PCDHA2: variants seen among roughly 807,000 people sequenced by gnomAD.
PCDHA2 encodes protocadherin alpha-2.
Under a neutral mutation model 66.0 loss-of-function variants are expected in PCDHA2, and 58 were observed. That is an observed-to-expected ratio of 0.88 (90% CI 0.71 to 1.09). The LOEUF is 1.09. Among genes scored for constraint, PCDHA2 ranks in the 50% least tolerant of loss-of-function variants. The pLI is 0.00. For missense variants in PCDHA2, 1,267 were observed against 1,242.3 expected (o/e 1.02, Z -0.30); for synonymous variants, 634 against 554.0 (o/e 1.14, Z -2.03).
chr5:141,003,715 G>A (rs561348265), intron 3 of PCDHA2, among the ~76,000 whole-genome samples: 21 of 152,240 alleles, frequency 1.4e-4, no homozygotes, highest in African/African-American at 2.2e-4. Flanking sequence ...TGAAGATATC[G>A]GCTAATCCAA....
chr5:140,923,774 G>T (rs1447078559), intron 1 of PCDHA2, among the ~76,000 whole-genome samples: 1 of 152,202 alleles, frequency 6.6e-6, no homozygotes, highest in Non-Finnish European at 1.5e-5. Flanking sequence ...CTACTGGGTG[G>T]ATGGTTTCTT....
At chr5:140,938,631 T>C (rs1554212262) in intron 1 of PCDHA2, among the ~76,000 whole-genome samples, 1 of 152,208 alleles carries the variant, frequency 6.6e-6, no homozygotes. Context: ...AGGTTGCTTA[T>C]GATGTATAAT....
intron 1 of PCDHA2, among the ~76,000 whole-genome samples, chr5:140,827,665 TA>T (rs1400072267): frequency 9.8e-5 from 15 of 152,360 alleles, no homozygotes; most frequent in African/African-American, 3.4e-4. Context: ...GCAGTTCCGT[TA>T]ACACTTAAAT....
rs1259591783 is a variant in PCDHA2, at chr5:141,009,842, G to C, written c.2752G>C (p.Glu918Gln). 1.2e-6 allele frequency: 2 copies of C among 1,613,960 alleles called. No individual in the cohort carries two copies. The highest frequency in any genetic ancestry group is 1.7e-6 in the Non-Finnish European group (2 of 1,180,014). ...TGACTTCATAACCTTCGGCAAAAAG[G>C]AGGAGACCAAGAAAAAGAAGAAAAA... ...KSDFITFGKKEETKKKKKKKK... is the reference protein window; with the variant it reads ...KSDFITFGKKQETKKKKKKKK... The change falls in exon 4 of 4, where the codon GAG becomes CAG. Residue 918 changes from glutamate (E) to glutamine (Q), a missense_variant. Coordinates refer to ENST00000526136, the MANE Select transcript of PCDHA2 (RefSeq NM_018905.3).
At chr5:140,884,230 CG>C in intron 1 of PCDHA2, 2 of 1,613,384 alleles carry the variant, frequency 1.2e-6, no homozygotes, top group Non-Finnish European at 1.7e-6. Flanking sequence ...TGAAGGACCA[CG>C]GTGAGCCCGC....
At chr5:140,850,403 C>T (rs1554144277) in intron 1 of PCDHA2, 5 of 1,597,838 alleles carry the variant, frequency 3.1e-6, no homozygotes, top group African/African-American at 2.7e-5. Flanking sequence ...CAACGCGTGC[C>T]CTGGACGAAA....
At chr5:140,962,625 A>C (rs2095697493) in intron 1 of PCDHA2, among the ~76,000 whole-genome samples, 1 of 152,228 alleles carries the variant, frequency 6.6e-6, no homozygotes, top group Non-Finnish European at 1.5e-5. Context: ...GAGATGTGAA[A>C]AAATTTAGCC....
intron 3 of PCDHA2, among the ~76,000 whole-genome samples, chr5:140,993,375 C>T (rs1238667698): frequency 1.3e-5 from 2 of 151,770 alleles, no homozygotes; most frequent in Non-Finnish European, 2.9e-5. Flanking sequence ...ACCTCCCAGC[C>T]GGGTCCCTGA....
intron 1 of PCDHA2, among the ~76,000 whole-genome samples, chr5:140,819,417 A>G (rs2150104131): frequency 3.9e-5 from 6 of 152,196 alleles, no homozygotes; most frequent in African/African-American, 1.4e-4. Context: ...ACACTTTAAT[A>G]TACTACACAG....
At chr5:140,831,487 G>GCAGC (rs1554133250) in intron 1 of PCDHA2, among the ~76,000 whole-genome samples, 60 of 89,824 alleles carry the variant, frequency 6.7e-4, no homozygotes, top group African/African-American at 2.9e-3. Flanking sequence ...AGCCTCTGGA[G>GCAGC]TTACTACACA....
chr5:140,848,600 C>A lies in PCDHA2; in HGVS notation c.2388+51248C>A, dbSNP rs2150414065. On this transcript the variant is annotated intron_variant, in intron 1 of 3. Transcript: ENST00000526136. The stretch of plus-strand genomic sequence containing the variant: ...GGAGCGGCCAGCTCCACTACTCCGT[C>A]CCGGAGGAAGCCGAACACGGCACCT... 2.5e-6 allele frequency: 4 copies of A among 1,593,634 alleles called. 1 individual carries two copies. The highest frequency in any genetic ancestry group is 3.4e-6 in the Non-Finnish European group (4 of 1,164,058).
chr5:140,809,439 C>T (rs1187355294), intron 1 of PCDHA2: 3 of 1,614,202 alleles, frequency 1.9e-6, no homozygotes, highest in Non-Finnish European at 1.7e-6. Flanking sequence ...TGGTCATACT[C>T]GCAGCAGAGG....
At chr5:140,807,792 G>A (rs1554124276) in intron 1 of PCDHA2, 1 of 1,614,178 alleles carries the variant, frequency 6.2e-7, no homozygotes, top group Admixed American at 1.7e-5. Context: ...TCTTTAGACA[G>A]AGAAGAAGCT....
intron 2 of PCDHA2, 35 bp from the exon 3 acceptor site, chr5:140,982,440 A>C: frequency 6.2e-6 from 10 of 1,613,042 alleles, no homozygotes; most frequent in Non-Finnish European, 8.5e-6. Context: ...AGAATTTATG[A>C]TCTAACCGTT....
At chr5:140,985,682 C>T (rs1261119986) in intron 3 of PCDHA2, among the ~76,000 whole-genome samples, 3 of 151,710 alleles carry the variant, frequency 2.0e-5, no homozygotes, top group African/African-American at 4.8e-5. Flanking sequence ...GCCTGCCTTA[C>T]GCTAATCCTC....
chr5:140,902,316 G>C (rs2069370797), intron 1 of PCDHA2, among the ~76,000 whole-genome samples: 1 of 151,402 alleles, frequency 6.6e-6, no homozygotes, highest in Non-Finnish European at 1.5e-5. Context: ...GGGATTACAG[G>C]TGTAACTCAC....
chr5:140,923,247 T>G (rs1230824523), intron 1 of PCDHA2, among the ~76,000 whole-genome samples: 6 of 152,252 alleles, frequency 3.9e-5, no homozygotes, highest in African/African-American at 1.4e-4. Flanking sequence ...TGAGACCAGC[T>G]GGGCAACATA....
chr5:140,803,158 A>G, intron 1 of PCDHA2: 2 of 1,613,890 alleles, frequency 1.2e-6, no homozygotes, highest in South Asian at 1.1e-5. Context: ...GTGAAGGACC[A>G]CGGTGAACCC....
intron 1 of PCDHA2, chr5:140,803,903 AAT>A (rs1763301790): frequency 3.8e-6 from 2 of 520,356 alleles, no homozygotes; most frequent in African/African-American, 3.9e-5. Context: ...TTATTTAGAG[AAT>A]CTGACTTCGA....
Sources: gnomAD v4.1 joint callset for allele counts (sites outside exome capture counted in the v4.1 genomes callset) on GRCh38, gnomAD v4.1.1 for gene constraint, MANE v1.5 for transcripts, NCBI Gene and HGNC (gene_info 2026-07-23, HGNC 2026-07-21) for gene names.